OLFM3: variants seen among roughly 807,000 people sequenced by gnomAD.
The protein encoded by OLFM3 is olfactomedin 3, also known as noelin-3.
Under a neutral mutation model 48.6 loss-of-function variants are expected in OLFM3, and 20 were observed. The observed-to-expected ratio is 0.41, with a 90% CI of 0.29 to 0.60. OLFM3 has a LOEUF of 0.60. Among genes scored for constraint, OLFM3 ranks in the 20% least tolerant of loss-of-function variants. OLFM3 has a pLI of 0.28. For synonymous variants in OLFM3, 222 were observed against 198.1 expected, an observed-to-expected ratio of 1.12 and a Z score of -1.01; for missense variants, 437 against 544.3, an observed-to-expected ratio of 0.80 and a Z score of 1.96.
intron 1 of OLFM3, among the ~76,000 whole-genome samples, chr1:101,847,669 G>A (rs1478238959): frequency 1.3e-5 from 2 of 152,124 alleles, no homozygotes; most frequent in African/African-American, 4.8e-5. Context: ...AGACAGCCTT[G>A]CAGAAAAACT....
At chr1:101,992,432 A>G (rs1032597540) in intron 1 of OLFM3, among the ~76,000 whole-genome samples, 2 of 151,996 alleles carry the variant, frequency 1.3e-5, no homozygotes, top group South Asian at 2.1e-4. Flanking sequence ...TGAACTCTTC[A>G]GTTTTTGCCA....
At chr1:101,950,996 A>C (rs1365315584) in intron 1 of OLFM3, among the ~76,000 whole-genome samples, 1 of 152,198 alleles carries the variant, frequency 6.6e-6, no homozygotes, top group Non-Finnish European at 1.5e-5. Flanking sequence ...AAGAAAATCT[A>C]ACTTACATGG....
In OLFM3 at chr1:101,842,826, A is replaced by T. The variant is rs190008387; in HGVS notation, c.70-5801T>A. Among the ~76,000 whole-genome samples the T allele has an allele frequency of 1.7e-3, 254 of 152,300 alleles. 1 individual carries two copies. Among genetic ancestry groups the T allele is most frequent in the Non-Finnish European group, 2.8e-3 (191 of 68,028 alleles). ...CTTTGGCCCTACTTTTGCTTCAGGC[A>T]CTCAAGCTAGAATAAATCTACTCTC... On this transcript the variant is annotated intron_variant, in intron 1 of 5. Transcript: ENST00000370103.
rs190295823 is a variant in OLFM3, at chr1:101,851,965, G to T, written c.70-14940C>A. Among the ~76,000 whole-genome samples the T allele has an allele frequency of 2.6e-3, 401 of 152,192 alleles. 3 individuals carry two copies. The highest frequency in any genetic ancestry group is 8.8e-3 in the African/African-American group (364 of 41,544). On this transcript the variant is annotated intron_variant, in intron 1 of 5. Transcript: ENST00000370103. ...AGTTTGCTTTTCTAACAAGCTCCCA[G>T]ATGATGCTGATGCTGCAATTCTTGG...
At chr1:101,879,622 A>C (rs577039333) in intron 1 of OLFM3, among the ~76,000 whole-genome samples, 2 of 151,994 alleles carry the variant, frequency 1.3e-5, no homozygotes, top group African/African-American at 4.8e-5. Flanking sequence ...TTCACTTAAT[A>C]TAAGTGGATT....
At chr1:101,877,714 C>A (rs977518307) in intron 1 of OLFM3, among the ~76,000 whole-genome samples, 4 of 150,930 alleles carry the variant, frequency 2.7e-5, no homozygotes, top group African/African-American at 9.7e-5. Flanking sequence ...TTAGTATGTA[C>A]GATCTTATTA....
intron 1 of OLFM3, among the ~76,000 whole-genome samples, chr1:101,975,456 C>T (rs770371894): frequency 3.3e-5 from 5 of 151,698 alleles, no homozygotes; most frequent in South Asian, 2.1e-4. Flanking sequence ...CCTTTTTTTG[C>T]GGCGGGTAGA....
At chr1:101,979,797 A>T (rs1206101035) in intron 1 of OLFM3, among the ~76,000 whole-genome samples, 1 of 152,186 alleles carries the variant, frequency 6.6e-6, no homozygotes, top group Non-Finnish European at 1.5e-5. Context: ...AGCCCCCAGA[A>T]TGGTAGATCC....
At position 101,804,445 on chromosome 1, in the gene OLFM3, G is replaced by A; in HGVS notation, c.1170C>T (p.His390=). The A allele has an allele frequency of 6.2e-7, 1 of 1,612,522 alleles. No individual in the cohort carries two copies. Among genetic ancestry groups the A allele is most frequent in the Non-Finnish European group, 8.5e-7 (1 of 1,179,006 alleles). The part of the protein sequence containing the change: ...ICGTLYVTNS[H]LTGAKVYYSY... ...AATAATACACCTTGGCTCCAGTTAA[G>A]TGGGAGTTGGTGACATACAGTGTCC... is the stretch of plus-strand genomic sequence containing the variant. Residue 390 remains histidine (H), a synonymous_variant, in exon 6 of 6, where the codon CAC becomes CAT. Coordinates refer to ENST00000370103, the MANE Select transcript of OLFM3 (RefSeq NM_058170.4). The surrounding 1 kb of genome is among the most constrained non-coding windows in gnomAD (Gnocchi z 4.5).
chr1:101,960,916 A>G lies in OLFM3; in HGVS notation c.69+35832T>C, dbSNP rs564387894. Among the ~76,000 whole-genome samples, 8 of 152,320 alleles carry G rather than the reference A, an allele frequency of 5.3e-5. 1 individual carries two copies. In the East Asian group the frequency reaches 1.5e-3, roughly 29 times the overall value. Reference sequence around the variant, plus strand: ...GTCCATTTATTCATCTACTTATAAAAAACACATATGATCATAATAGTTCTA... The same window carrying G: ...GTCCATTTATTCATCTACTTATAAAGAACACATATGATCATAATAGTTCTA... On this transcript the variant is annotated intron_variant, in intron 1 of 5. Coordinates refer to ENST00000370103, the MANE Select transcript of OLFM3 (RefSeq NM_058170.4).
At chr1:101,947,285 C>A (rs1168518237) in intron 1 of OLFM3, among the ~76,000 whole-genome samples, 1 of 152,108 alleles carries the variant, frequency 6.6e-6, no homozygotes, top group East Asian at 1.9e-4. Flanking sequence ...AGGAGAAAAT[C>A]AACTGGAATA....
chr1:101,983,568 T>C (rs1661157290), intron 1 of OLFM3, among the ~76,000 whole-genome samples: 1 of 152,262 alleles, frequency 6.6e-6, no homozygotes, highest in Non-Finnish European at 1.5e-5. Context: ...CAGCTGTAAG[T>C]ATTTATTGAA....
intron 1 of OLFM3, among the ~76,000 whole-genome samples, chr1:101,857,966 T>C (rs1009664825): frequency 3.9e-5 from 6 of 152,098 alleles, no homozygotes; most frequent in African/African-American, 1.5e-4. Context: ...ACTTTTTTCT[T>C]ATCTGAACAT....
chr1:101,941,070 A>G (rs1207703505), intron 1 of OLFM3, among the ~76,000 whole-genome samples: 1 of 152,126 alleles, frequency 6.6e-6, no homozygotes, highest in Admixed American at 6.6e-5. Flanking sequence ...GGACCATCAT[A>G]AGAGAAGGAA....
intron 1 of OLFM3, among the ~76,000 whole-genome samples, chr1:101,870,103 A>G (rs1268214057): frequency 6.6e-6 from 1 of 152,140 alleles, no homozygotes; most frequent in Non-Finnish European, 1.5e-5. Flanking sequence ...TTCCCATCAT[A>G]TTTATTTGTT....
intron 1 of OLFM3, among the ~76,000 whole-genome samples, chr1:101,872,396 G>C (rs151086958): frequency 7.6e-4 from 116 of 152,016 alleles, no homozygotes; most frequent in African/African-American, 2.7e-3. Context: ...AAAGATTAAT[G>C]GTATATTAAA....
chr1:101,814,690 C>T (rs147177765), intron 4 of OLFM3, among the ~76,000 whole-genome samples: 2 of 152,166 alleles, frequency 1.3e-5, no homozygotes, highest in South Asian at 2.1e-4. Context: ...GGATTTGAAT[C>T]CTGATTTTAT....
chr1:101,886,264 AT>A (rs1657755450), intron 1 of OLFM3, among the ~76,000 whole-genome samples: 3 of 137,814 alleles, frequency 2.2e-5, no homozygotes, highest in Non-Finnish European at 4.9e-5. Context: ...CATACATGGT[AT>A]GGAAAAAAAA....
intron 1 of OLFM3, among the ~76,000 whole-genome samples, chr1:101,980,649 G>A (rs890884187): frequency 6.6e-6 from 1 of 152,106 alleles, no homozygotes; most frequent in Non-Finnish European, 1.5e-5. Flanking sequence ...TCAGTCTTGG[G>A]TCTTTCTTCA....
Sources: allele counts gnomAD v4.1 joint callset (sites outside exome capture counted in the v4.1 genomes callset), GRCh38; gene constraint gnomAD v4.1.1; non-coding constraint Gnocchi (gnomAD v3.1); transcripts MANE v1.5; gene names NCBI Gene and HGNC (gene_info 2026-07-23, HGNC 2026-07-21).